The following ASXL3 variants were observed in gnomAD, a reference collection of about 807,000 sequenced individuals.
ASXL3 encodes putative Polycomb group protein ASXL3.
In ASXL3, 34 loss-of-function variants were observed where a neutral mutation model predicts 170.6. The ratio of observed to expected loss-of-function variants is 0.20; its 90% CI spans 0.15 to 0.27. The LOEUF (loss-of-function observed/expected upper bound fraction) is 0.27, where lower values mean the gene tolerates loss of function less well. Among genes scored for constraint, ASXL3 ranks in the 10% least tolerant of loss-of-function variants. The pLI is 1.00. For missense variants in ASXL3, 2,592 were observed against 2,695.3 expected, an observed-to-expected ratio of 0.96 and a Z score of 0.85; for synonymous variants, 1,002 against 989.1, an observed-to-expected ratio of 1.01 and a Z score of -0.24.
chr18:33,719,083 G>A (rs2067215367), intron 8 of ASXL3, among the ~76,000 whole-genome samples: 1 of 152,082 alleles, frequency 6.6e-6, no homozygotes, highest in Non-Finnish European at 1.5e-5. Context: ...ACCATGGAGA[G>A]TGGATTCTTG....
At position 33,607,575 on chromosome 18, in the gene ASXL3, T is replaced by C; in HGVS notation, c.55-19T>C. On this transcript the variant is annotated intron_variant, in intron 1 of 11. Coordinates refer to ENST00000269197, the MANE Select transcript of ASXL3 (RefSeq NM_030632.3). ...ATGCTGCCATGCAATAATCTAGGAA[T>C]CTTATGTTTATATTTTAGGCACTAG... 1.3e-6 allele frequency: 2 copies of C among 1,539,076 alleles called. No individual in the cohort carries two copies. Among genetic ancestry groups the C allele is most frequent in the Non-Finnish European group, 1.8e-6 (2 of 1,129,564 alleles).
chr18:33,593,854 A>T (rs918720957), intron 1 of ASXL3, among the ~76,000 whole-genome samples: 21 of 152,218 alleles, frequency 1.4e-4, no homozygotes, highest in African/African-American at 5.1e-4. Flanking sequence ...ATATTATTAT[A>T]GGTGAGGCTA....
chr18:33,727,748 GTTCA>G (rs2067374663), intron 8 of ASXL3, among the ~76,000 whole-genome samples: 3 of 152,220 alleles, frequency 2.0e-5, no homozygotes, highest in Middle Eastern at 3.4e-3. Flanking sequence ...TATTGTTCCA[GTTCA>G]TTCAAATATA....
At chr18:33,683,770 A>G (rs2066550176) in intron 8 of ASXL3, 1 of 479,810 alleles carries the variant, frequency 2.1e-6, no homozygotes, top group Non-Finnish European at 3.5e-6. Context: ...CAAATTTTAA[A>G]ATACGGTACA....
rs147052119 is a variant in ASXL3 at position 33,634,667 on chromosome 18, A to G, written c.138-10227A>G. Among the ~76,000 whole-genome samples, 825 of 152,218 alleles carry G rather than the reference A, an allele frequency of 5.4e-3. 8 individuals carry two copies. The highest frequency in any genetic ancestry group is 0.019 in the African/African-American group (782 of 41,530). ...TGCCAAATGCCTTTCCAAATTGGTT[A>G]TATCAGTTTATGCTCTCACTGGAGT... On this transcript the variant is annotated intron_variant, in intron 2 of 11. Transcript: ENST00000269197.
At chr18:33,680,924 C>A (rs2066504171) in intron 7 of ASXL3, among the ~76,000 whole-genome samples, 1 of 151,908 alleles carries the variant, frequency 6.6e-6, no homozygotes, top group South Asian at 2.1e-4. Flanking sequence ...ATGTGAAAAT[C>A]CAGTTACCTT....
At chr18:33,600,163 G>A (rs772402049) in intron 1 of ASXL3, among the ~76,000 whole-genome samples, 17 of 152,088 alleles carry the variant, frequency 1.1e-4, no homozygotes, top group Non-Finnish European at 1.6e-4. Flanking sequence ...GAAGATTGAT[G>A]AAGAAACTAA....
intron 2 of ASXL3, among the ~76,000 whole-genome samples, chr18:33,642,482 T>G (rs1175937886): frequency 6.6e-6 from 1 of 151,952 alleles, no homozygotes; most frequent in African/African-American, 2.4e-5. Context: ...GTGAGTGATT[T>G]TAGTTGTAAA....
intron 4 of ASXL3, among the ~76,000 whole-genome samples, chr18:33,656,805 A>G (rs889483777): frequency 2.0e-5 from 3 of 152,072 alleles, no homozygotes; most frequent in Admixed American, 1.3e-4. Flanking sequence ...GAAGGCTTCT[A>G]TTTTCAAGTT....
intron 8 of ASXL3, among the ~76,000 whole-genome samples, chr18:33,710,383 C>T (rs1425287891): frequency 2.0e-5 from 3 of 152,302 alleles, no homozygotes; most frequent in East Asian, 1.9e-4. Context: ...TATTGGCAAT[C>T]GTTTTAGTGT....
Position 33,645,012 on chromosome 18 carries a change from A to G in ASXL3, c.246+10A>G, listed in dbSNP as rs753502146. On this transcript the variant is annotated intron_variant, in intron 3 of 11. Transcript: ENST00000269197. ...CCTCTATGCTCTCAAAGTAAGTTGC[A>G]TTGTTCTGCATATTGTTATTACTAT... The G allele has an allele frequency of 1.6e-5, 24 of 1,478,722 alleles. 1 individual carries two copies. In the Admixed American group the frequency reaches 2.6e-4, roughly 16 times the overall value. The allele number at this position is 1,478,722 out of a possible 1,614,324, so 91.6% of individuals were successfully genotyped here.
intron 2 of ASXL3, among the ~76,000 whole-genome samples, chr18:33,618,059 T>C (rs1392153359): frequency 6.6e-6 from 1 of 152,206 alleles, no homozygotes; most frequent in Non-Finnish European, 1.5e-5. Flanking sequence ...GAACAGTTGA[T>C]ATGCTCACAT....
At position 33,743,837 on chromosome 18, in the gene ASXL3, C is replaced by T. The variant is rs1369847563; in HGVS notation, c.3989C>T (p.Ala1330Val). The T allele has an allele frequency of 1.2e-6, 2 of 1,614,040 alleles. No individual in the cohort carries two copies. The highest frequency in any genetic ancestry group is 1.7e-6 in the Non-Finnish European group (2 of 1,179,898). The change falls in exon 12 of 12, where the codon GCT (alanine) becomes GTT (valine). Residue 1330 changes from alanine to valine, a missense_variant. Around this residue, in one of 4 missense-constraint regions of ASXL3, gnomAD observed 2,246 missense variants for 2,219.6 expected, o/e 1.01. Coordinates refer to ENST00000269197, the MANE Select transcript of ASXL3 (RefSeq NM_030632.3). ...DKQLLISSSS[A>V]SNLVSTQYTS... is the part of the protein sequence containing the mutation. ...CAGTTACTAATATCAAGCAGCAGTG[C>T]TAGTAACTTAGTCTCCACTCAGTAC...
In ASXL3 at chr18:33,578,602, C is replaced by A; in HGVS notation, c.-30C>A. 1 of 1,285,062 alleles carries A rather than the reference C, an allele frequency of 7.8e-7. No homozygotes were observed. Among genetic ancestry groups the A allele is most frequent in the South Asian group, 1.8e-5 (1 of 54,136 alleles). 79.6% of individuals were successfully genotyped at this position (1,285,062 alleles called of 1,614,324 possible). On this transcript the variant is annotated 5_prime_UTR_variant, in exon 1 of 12. Coordinates refer to ENST00000269197, the MANE Select transcript of ASXL3 (RefSeq NM_030632.3). ...GAGCACCCCGTGGAATCCCCCACGT[C>A]ATCATCAGAACCATCAATGAGATGC...
At chr18:33,659,511 A>G (rs891944400) in intron 4 of ASXL3, among the ~76,000 whole-genome samples, 14 of 152,122 alleles carry the variant, frequency 9.2e-5, no homozygotes, top group African/African-American at 3.1e-4. Context: ...ATTTGGGATC[A>G]TATATTTTAT....
intron 8 of ASXL3, among the ~76,000 whole-genome samples, chr18:33,697,853 T>G (rs1253326716): frequency 6.6e-6 from 1 of 151,914 alleles, no homozygotes. Context: ...AAAATCATAA[T>G]AATTTTAGAA....
At position 33,738,675 on chromosome 18, in the gene ASXL3, C is replaced by T. The variant is rs1363308588; in HGVS notation, c.1271C>T (p.Pro424Leu). Residue 424 changes from proline to leucine, a missense_variant, in exon 11 of 12, where the codon CCT becomes CTT. Pro to Leu is a moderately conservative substitution (Grantham distance 98). Transcript: ENST00000269197. ...CCTGGTTTCTGTGCTACTCTTTGCC[C>T]TATGGTAGAAATTCCACCTAAAGAT... ...PEPGFCATLC[P>L]MVEIPPKDIM... 1.9e-6 allele frequency: 3 copies of T among 1,613,824 alleles called. No individual in the cohort carries two copies. The highest frequency in any genetic ancestry group is 1.7e-5 in the Admixed American group (1 of 60,004).
At chr18:33,600,307 C>T (rs895965649) in intron 1 of ASXL3, among the ~76,000 whole-genome samples, 6 of 152,016 alleles carry the variant, frequency 3.9e-5, no homozygotes, top group African/African-American at 9.7e-5. Context: ...TTTGACCTTA[C>T]GTGATAAAAC....
chr18:33,601,916 A>G (rs921472036), intron 1 of ASXL3, among the ~76,000 whole-genome samples: 1 of 151,362 alleles, frequency 6.6e-6, no homozygotes, highest in African/African-American at 2.4e-5. Flanking sequence ...TCAGCCTACC[A>G]AGTAGCTGGG....
Sources: gnomAD v4.1 joint callset for allele counts (sites outside exome capture counted in the v4.1 genomes callset) on GRCh38, gnomAD v4.1.1 for gene constraint, gnomAD v4.1.1 regional missense constraint, MANE v1.5 for transcripts, NCBI Gene and HGNC (gene_info 2026-07-23, HGNC 2026-07-21) for gene names.